The following PCCA variants were observed in gnomAD, a reference collection of about 807,000 sequenced individuals.
PCCA encodes the protein propionyl-CoA carboxylase alpha chain, mitochondrial.
Under a neutral mutation model 101.3 loss-of-function variants are expected in PCCA, and 74 were observed. That is an observed-to-expected ratio of 0.73 (90% CI 0.61 to 0.89). The LOEUF (loss-of-function observed/expected upper bound fraction) is 0.89. PCCA is among the 40% of genes least tolerant of loss of function. PCCA has a pLI of 0.00. For missense variants in PCCA, 891 were observed against 907.0 expected (o/e 0.98, Z 0.23); for synonymous variants, 294 against 313.6 (o/e 0.94, Z 0.66).
intron 1 of PCCA, among the ~76,000 whole-genome samples, chr13:100,099,088 G>T (rs904554675): frequency 6.6e-6 from 1 of 152,048 alleles, no homozygotes; most frequent in Non-Finnish European, 1.5e-5. Flanking sequence ...CAGTTTTGAG[G>T]ATAGTTTCTT....
Position 100,290,815 on chromosome 13 carries a change from C to G in PCCA, c.1066-10645C>G, listed in dbSNP as rs569088407. ...CTCTTGACATTATTTCTTTATTGATCTTCCAGGTTACTAATTCAGGTTGCA... is the reference window on the plus strand; with the variant it reads ...CTCTTGACATTATTTCTTTATTGATGTTCCAGGTTACTAATTCAGGTTGCA... On this transcript the variant is annotated intron_variant, in intron 12 of 23. Coordinates refer to ENST00000376285, the MANE Select transcript of PCCA (RefSeq NM_000282.4). 3.9e-5 allele frequency among the ~76,000 whole-genome samples: 6 copies of G among 152,218 alleles called. No homozygotes were observed. The East Asian group carries it at 9.6e-4, about 24-fold the overall frequency.
At chr13:100,330,525 T>C (rs749370754) in intron 16 of PCCA, 36 bp from the exon 17 acceptor site, 22 of 1,243,500 alleles carry the variant, frequency 1.8e-5, no homozygotes, top group Non-Finnish European at 2.5e-5. Flanking sequence ...TTTCACTGAT[T>C]CATTGTTCTT....
chr13:100,112,576 CTTT>C (rs5806149), intron 4 of PCCA, among the ~76,000 whole-genome samples: 13 of 124,018 alleles, frequency 1.0e-4, no homozygotes, highest in Admixed American at 2.6e-4. Context: ...CACAGCAGGC[CTTT>C]TTTTTTTTTT....
At chr13:100,493,588 C>T (rs1284769165) in intron 21 of PCCA, among the ~76,000 whole-genome samples, 2 of 152,180 alleles carry the variant, frequency 1.3e-5, no homozygotes, top group African/African-American at 4.8e-5. Flanking sequence ...TGCAAACCCC[C>T]ACAGAGTCTT....
chr13:100,389,449 A>G (rs1050135576), intron 19 of PCCA, among the ~76,000 whole-genome samples: 1 of 152,188 alleles, frequency 6.6e-6, no homozygotes, highest in Non-Finnish European at 1.5e-5. Flanking sequence ...ACAAGAACAC[A>G]TGGACACAAG....
chr13:100,179,089 AAAATAT>A (rs1489448813), intron 6 of PCCA, among the ~76,000 whole-genome samples: 35 of 105,422 alleles, frequency 3.3e-4, no homozygotes, highest in African/African-American at 1.3e-3. Context: ...AAAAAAAAAA[AAAATAT>A]ATATATATAT....
intron 19 of PCCA, among the ~76,000 whole-genome samples, chr13:100,373,936 A>AC (rs758552557): frequency 1.7e-4 from 26 of 151,802 alleles, no homozygotes; most frequent in Admixed American, 2.0e-4. Context: ...ACATAGTGAA[A>AC]CCCCGTCTCT....
chr13:100,153,842 T>C (rs544397610), intron 4 of PCCA, among the ~76,000 whole-genome samples: 1 of 152,352 alleles, frequency 6.6e-6, no homozygotes, highest in African/African-American at 2.4e-5. Flanking sequence ...CCCTTGGGCA[T>C]TTACCTGATC....
At chr13:100,475,184 A>G (rs2083323890) in intron 21 of PCCA, among the ~76,000 whole-genome samples, 1 of 152,096 alleles carries the variant, frequency 6.6e-6, no homozygotes, top group Non-Finnish European at 1.5e-5. Context: ...AGTAAGTGGG[A>G]TTATAGGTGC....
chr13:100,349,900 TTA>T (rs1378403766), intron 18 of PCCA, among the ~76,000 whole-genome samples: 6 of 152,218 alleles, frequency 3.9e-5, no homozygotes, highest in African/African-American at 1.4e-4. Flanking sequence ...TTGTATTGTA[TTA>T]TCTTTCCTCA....
At chr13:100,119,523 G>T (rs1037586593) in intron 4 of PCCA, among the ~76,000 whole-genome samples, 4 of 152,020 alleles carry the variant, frequency 2.6e-5, no homozygotes, top group Non-Finnish European at 5.9e-5. Context: ...AAGATAATGG[G>T]AAGAACAAAA....
chr13:100,214,127 A>T (rs931218723), intron 7 of PCCA, among the ~76,000 whole-genome samples: 1 of 152,130 alleles, frequency 6.6e-6, no homozygotes, highest in African/African-American at 2.4e-5. Flanking sequence ...GCTCTGTAGT[A>T]TAATTTTAAG....
intron 22 of PCCA, among the ~76,000 whole-genome samples, chr13:100,523,277 T>A (rs2087456498): frequency 6.6e-6 from 1 of 152,216 alleles, no homozygotes; most frequent in Non-Finnish European, 1.5e-5. Context: ...AAGCATACTA[T>A]AAGCTTGAAG....
At chr13:100,391,364 A>G (rs1287619734) in intron 19 of PCCA, among the ~76,000 whole-genome samples, 1 of 152,148 alleles carries the variant, frequency 6.6e-6, no homozygotes, top group Non-Finnish European at 1.5e-5. Flanking sequence ...CTGTGGGGGA[A>G]GAGGTGAGGT....
intron 21 of PCCA, among the ~76,000 whole-genome samples, chr13:100,514,766 C>G (rs934635234): frequency 6.6e-6 from 1 of 152,168 alleles, no homozygotes; most frequent in African/African-American, 2.4e-5. Flanking sequence ...GTTATTGTCT[C>G]TCAGTGCAGA....
intron 4 of PCCA, among the ~76,000 whole-genome samples, chr13:100,114,240 C>G (rs949568460): frequency 2.6e-5 from 4 of 151,990 alleles, no homozygotes; most frequent in Non-Finnish European, 5.9e-5. Flanking sequence ...GTATAAGGAG[C>G]TCAAACAACT....
chr13:100,159,501 T>C (rs2054234200), intron 6 of PCCA, among the ~76,000 whole-genome samples: 1 of 152,154 alleles, frequency 6.6e-6, no homozygotes, highest in African/African-American at 2.4e-5. Context: ...CTATGAGTCC[T>C]GGGTGCTCAT....
At chr13:100,316,496 C>T (rs2067361186) in intron 16 of PCCA, among the ~76,000 whole-genome samples, 1 of 152,108 alleles carries the variant, frequency 6.6e-6, no homozygotes, top group South Asian at 2.1e-4. Flanking sequence ...ATATAGAGGA[C>T]AAATACAACA....
At chr13:100,524,858 C>G (rs948835038) in intron 22 of PCCA, among the ~76,000 whole-genome samples, 2 of 151,718 alleles carry the variant, frequency 1.3e-5, no homozygotes, top group African/African-American at 4.8e-5. Flanking sequence ...GGCAACAGAC[C>G]GAGATTCTGT....
Sources: gnomAD v4.1 joint callset for allele counts (sites outside exome capture counted in the v4.1 genomes callset) on GRCh38, gnomAD v4.1.1 for gene constraint, MANE v1.5 for transcripts, NCBI Gene and HGNC (gene_info 2026-07-23, HGNC 2026-07-21) for gene names.